GPHN: variants seen among roughly 807,000 people sequenced by gnomAD.
GPHN encodes the protein gephyrin.
Under a neutral mutation model 95.5 loss-of-function variants are expected in GPHN, and 17 were observed. The observed-to-expected ratio is 0.18, with a 90% CI of 0.12 to 0.27. The LOEUF (loss-of-function observed/expected upper bound fraction) is 0.27, where lower values mean the gene tolerates loss of function less well. GPHN is among the 10% of genes least tolerant of loss of function. GPHN has a pLI of 1.00. For missense variants in GPHN, 660 were observed against 978.1 expected, an observed-to-expected ratio of 0.67 and a Z score of 4.34; for synonymous variants, 320 against 322.5, an observed-to-expected ratio of 0.99 and a Z score of 0.08.
chr14:67,386,823 A>G, the GPHN span, among the ~76,000 whole-genome samples: 1 of 152,242 alleles, frequency 6.6e-6, no homozygotes, highest in Non-Finnish European at 1.5e-5. Context: ...AATATTCTCA[A>G]TGTACAAAGT....
At chr14:67,563,630 A>G in the GPHN span, among the ~76,000 whole-genome samples, 3 of 149,724 alleles carry the variant, frequency 2.0e-5, no homozygotes, top group East Asian at 2.0e-4. Context: ...GCAGGGTTTC[A>G]CCATGTTGGT....
chr14:67,665,971 T>C, the GPHN span, among the ~76,000 whole-genome samples: 1 of 152,196 alleles, frequency 6.6e-6, no homozygotes, highest in East Asian at 1.9e-4. Context: ...GGATGTGTTC[T>C]TAGCTACCAG....
chr14:67,378,935 G>A, the GPHN span, among the ~76,000 whole-genome samples: 1 of 152,222 alleles, frequency 6.6e-6, no homozygotes, highest in African/African-American at 2.4e-5. Context: ...TACTACATAT[G>A]TGTCTATTAT....
chr14:67,068,934 A>T (rs1320956820), intron 11 of GPHN, among the ~76,000 whole-genome samples: 4 of 152,122 alleles, frequency 2.6e-5, no homozygotes, highest in Admixed American at 6.6e-5. Context: ...GATTCCAAGC[A>T]GTAGGAAGTC....
At chr14:67,562,643 G>A in the GPHN span, 1 of 1,613,072 alleles carries the variant, frequency 6.2e-7, no homozygotes, top group South Asian at 1.1e-5. Flanking sequence ...GCCCCAGGTG[G>A]GCCATGGGCA....
chr14:67,659,985 C>T, the GPHN span: 6 of 1,511,918 alleles, frequency 4.0e-6, no homozygotes, highest in Middle Eastern at 5.2e-4. Flanking sequence ...TGGAAATATG[C>T]CTAGTTTGGA....
chr14:67,230,447 C>T, the GPHN span, among the ~76,000 whole-genome samples: 1 of 152,080 alleles, frequency 6.6e-6, no homozygotes, highest in Non-Finnish European at 1.5e-5. Context: ...TGGCCCATAT[C>T]TATAGTCCCA....
At chr14:67,584,342 A>G in the GPHN span, among the ~76,000 whole-genome samples, 1 of 152,100 alleles carries the variant, frequency 6.6e-6, no homozygotes, top group African/African-American at 2.4e-5. Flanking sequence ...AAAAGAAAAG[A>G]TGTGATCAAC....
the GPHN span, among the ~76,000 whole-genome samples, chr14:67,445,848 A>AT: frequency 6.6e-6 from 1 of 152,054 alleles, no homozygotes; most frequent in Admixed American, 6.5e-5. Flanking sequence ...TGGCCTCCCA[A>AT]GGTGCTGGCA....
At chr14:67,695,778 C>A in the GPHN span, 1 of 1,393,860 alleles carries the variant, frequency 7.2e-7, no homozygotes, top group Non-Finnish European at 1.0e-6. Context: ...TTTCTAGACA[C>A]GCCCCAATTC....
chr14:66,907,700 G>A (rs2065455752), intron 5 of GPHN, among the ~76,000 whole-genome samples: 1 of 152,144 alleles, frequency 6.6e-6, no homozygotes, highest in African/African-American at 2.4e-5. Flanking sequence ...CTTTGGATAT[G>A]AGTGGAGTCT....
At chr14:67,446,486 T>C in the GPHN span, among the ~76,000 whole-genome samples, 2 of 152,174 alleles carry the variant, frequency 1.3e-5, no homozygotes, top group Admixed American at 1.3e-4. Context: ...AGTGATGAGG[T>C]GCTGACCTCC....
At chr14:66,956,208 G>C (rs966343039) in intron 8 of GPHN, among the ~76,000 whole-genome samples, 3 of 152,116 alleles carry the variant, frequency 2.0e-5, no homozygotes, top group Admixed American at 2.0e-4. Context: ...CTTTTTAAAA[G>C]TAGATGTTTA....
chr14:66,719,593 G>A (rs970702724), intron 2 of GPHN, among the ~76,000 whole-genome samples: 2 of 152,040 alleles, frequency 1.3e-5, no homozygotes, highest in Admixed American at 6.6e-5. Context: ...AAAATTCACC[G>A]TGTGAACCTC....
intron 4 of GPHN, among the ~76,000 whole-genome samples, chr14:66,850,262 C>A (rs1480468003): frequency 6.6e-6 from 1 of 152,110 alleles, no homozygotes; most frequent in Non-Finnish European, 1.5e-5. Context: ...AACTCTTACA[C>A]AATTATTTTG....
chr14:66,721,868 T>C lies in GPHN; in HGVS notation c.143+40683T>C, dbSNP rs549028462. Among the ~76,000 whole-genome samples, 450 of 151,058 alleles carry C rather than the reference T, an allele frequency of 3.0e-3. 3 individuals are homozygous for C. The highest frequency in any genetic ancestry group is 0.011 in the African/African-American group (432 of 41,118). ...CGGGAGGCTGAGGCAGGAGAATTGC[T>C]TGAACCTGGGAGGCGGAGCTTGCAG... On this transcript the variant is annotated intron_variant, in intron 2 of 22. Coordinates refer to ENST00000478722, the MANE Select transcript of GPHN (RefSeq NM_020806.5).
chr14:67,544,696 A>C, the GPHN span, among the ~76,000 whole-genome samples: 3 of 152,244 alleles, frequency 2.0e-5, no homozygotes, highest in Non-Finnish European at 4.4e-5. Flanking sequence ...AACTAAATAG[A>C]ACTTTAATAA....
At chr14:67,600,125 G>A in the GPHN span, 4 of 1,596,074 alleles carry the variant, frequency 2.5e-6, no homozygotes, top group East Asian at 6.8e-5. Flanking sequence ...CAGAATTCCC[G>A]GCAGGACGGG....
chr14:67,292,007 G>T, the GPHN span, among the ~76,000 whole-genome samples: 1 of 152,082 alleles, frequency 6.6e-6, no homozygotes, highest in Non-Finnish European at 1.5e-5. Flanking sequence ...TGAAATGCTT[G>T]TTTTTATGGT....
Sources: allele counts gnomAD v4.1 joint callset (sites outside exome capture counted in the v4.1 genomes callset), GRCh38; gene constraint gnomAD v4.1.1; transcripts MANE v1.5; gene names NCBI Gene and HGNC (gene_info 2026-07-23, HGNC 2026-07-21).